SLC25A43: variants seen among roughly 807,000 people sequenced by gnomAD.
SLC25A43 encodes solute carrier family 25, member 43.
Under a neutral mutation model 22.8 loss-of-function variants are expected in SLC25A43, and 10 were observed. The observed-to-expected ratio is 0.44, with a 90% confidence interval of 0.27 to 0.74. The LOEUF (loss-of-function observed/expected upper bound fraction) is 0.74. Ranked by LOEUF, SLC25A43 falls within the 30% of genes least tolerant of loss-of-function variation. The pLI is 0.17. For missense variants in SLC25A43, 233 were observed against 279.1 expected, an observed-to-expected ratio of 0.83 and a Z score of 1.18; for synonymous variants, 106 against 121.6, an observed-to-expected ratio of 0.87 and a Z score of 0.84.
chrX:119,451,437 G>A (rs1396722883), intron 3 of SLC25A43, among the ~76,000 whole-genome samples: 1 of 111,802 alleles, frequency 8.9e-6, no homozygotes, highest in Non-Finnish European at 1.9e-5. Flanking sequence ...TGGAAGAGTG[G>A]CCAGATTAGT....
chrX:119,428,737 A>C (rs1448618490), intron 3 of SLC25A43, among the ~76,000 whole-genome samples: 1 of 111,903 alleles, frequency 8.9e-6, no homozygotes, highest in Non-Finnish European at 1.9e-5. Context: ...GCTGGGCCAC[A>C]CAGCGTGAAG....
At chrX:119,450,834 T>C (rs1015853513) in intron 3 of SLC25A43, among the ~76,000 whole-genome samples, 2 of 112,716 alleles carry the variant, frequency 1.8e-5, no homozygotes, top group African/African-American at 3.2e-5. Flanking sequence ...AGATGGTATA[T>C]TGAAAAGTCA....
chrX:119,422,628 T>C (rs1390734584), intron 3 of SLC25A43, among the ~76,000 whole-genome samples: 2 of 111,902 alleles, frequency 1.8e-5, no homozygotes, highest in Non-Finnish European at 3.8e-5. Context: ...CGCTGTCTGC[T>C]AGGTGAGTCC....
At chrX:119,410,444 C>T in intron 3 of SLC25A43, 82 bp downstream of exon 3, 1 of 1,023,662 alleles carries the variant, frequency 9.8e-7, no homozygotes, top group Admixed American at 2.4e-5. Context: ...GAACACTGAC[C>T]CCAAGTGATG....
At chrX:119,452,248 T>G in intron 4 of SLC25A43, 105 bp downstream of exon 4, 3 of 925,634 alleles carry the variant, frequency 3.2e-6, no homozygotes, top group Non-Finnish European at 4.4e-6. Flanking sequence ...AAACCCCCTC[T>G]AGCACTAATG....
chrX:119,424,893 A>T (rs2052489828), intron 3 of SLC25A43, among the ~76,000 whole-genome samples: 1 of 112,011 alleles, frequency 8.9e-6, no homozygotes, highest in Non-Finnish European at 1.9e-5. Flanking sequence ...CCCGAATCCC[A>T]TTCATGAGAG....
chrX:119,445,922 G>C (rs2052662294), intron 3 of SLC25A43, among the ~76,000 whole-genome samples: 1 of 110,242 alleles, frequency 9.1e-6, no homozygotes, highest in Non-Finnish European at 1.9e-5. Flanking sequence ...GGAGGCCGAG[G>C]CAGGAGGATC....
chrX:119,453,055 C>T lies in SLC25A43; in HGVS notation c.1016C>T (p.Pro339Leu). The change falls in exon 5 of 5, where the codon CCA becomes CTA. Residue 339 changes from proline (P) to leucine (L), a missense_variant. Pro to Leu is a moderately conservative substitution (Grantham distance 98). Coordinates refer to ENST00000217909, the MANE Select transcript of SLC25A43 (RefSeq NM_145305.3). ...FKTRKPKPKK[P>L]TL Reference sequence around the variant, plus strand: ...ACGAGAAAACCGAAGCCTAAAAAACCAACTCTATAAAATGGAATGGAACTA... The same window carrying T: ...ACGAGAAAACCGAAGCCTAAAAAACTAACTCTATAAAATGGAATGGAACTA... 1 of 1,201,715 alleles carries T rather than the reference C, an allele frequency of 8.3e-7. No homozygotes were observed. Among genetic ancestry groups the T allele is most frequent in the East Asian group, 3.0e-5 (1 of 33,809 alleles).
At chrX:119,416,643 T>C (rs990527453) in intron 3 of SLC25A43, among the ~76,000 whole-genome samples, 4 of 112,812 alleles carry the variant, frequency 3.5e-5, no homozygotes, top group African/African-American at 6.4e-5. Flanking sequence ...GTGATTATGA[T>C]TGGAATTATG....
intron 3 of SLC25A43, among the ~76,000 whole-genome samples, chrX:119,419,795 A>G (rs2052437252): frequency 9.0e-6 from 1 of 110,966 alleles, no homozygotes; most frequent in South Asian, 3.8e-4. Context: ...GAAATCCACA[A>G]CTTGTGTTTG....
At chrX:119,401,560 G>A (rs184312378) in intron 1 of SLC25A43, among the ~76,000 whole-genome samples, 33 of 110,751 alleles carry the variant, frequency 3.0e-4, no homozygotes, top group African/African-American at 9.8e-4. Flanking sequence ...GGCAGAGATG[G>A]AGAGAAAGAT....
intron 3 of SLC25A43, among the ~76,000 whole-genome samples, chrX:119,430,488 T>C (rs1226406459): frequency 8.9e-6 from 1 of 111,960 alleles, no homozygotes; most frequent in African/African-American, 3.2e-5. Flanking sequence ...CCAAACAGTC[T>C]GGCTTCAGGG....
intron 3 of SLC25A43, among the ~76,000 whole-genome samples, chrX:119,431,642 T>C (rs1362804104): frequency 8.9e-6 from 1 of 112,252 alleles, no homozygotes; most frequent in Non-Finnish European, 1.9e-5. Flanking sequence ...TAAACAGCTA[T>C]ATTTGGGAAA....
In SLC25A43 at chrX:119,453,117, T is replaced by A. The variant is rs1412807697; in HGVS notation, c.*52T>A. On this transcript the variant is annotated 3_prime_UTR_variant, in exon 5 of 5. Coordinates refer to ENST00000217909, the MANE Select transcript of SLC25A43 (RefSeq NM_145305.3). Reference sequence around the variant, plus strand: ...ACTGACAGCATGTTGCAATCACAGATAAATGTAGCCTCATAACTGTGCACC... The same window carrying A: ...ACTGACAGCATGTTGCAATCACAGAAAAATGTAGCCTCATAACTGTGCACC... 1 of 1,043,948 alleles carries A rather than the reference T, an allele frequency of 9.6e-7. No homozygotes were observed. Among genetic ancestry groups the A allele is most frequent in the Non-Finnish European group, 1.3e-6 (1 of 745,688 alleles). 86.0% of individuals were successfully genotyped at this position (1,043,948 alleles called of 1,213,427 possible). A position where few individuals can be genotyped will look rare whatever the true frequency, so the allele number is the denominator to read the frequency against.
rs3078516 is a variant in SLC25A43 at position 119,409,156 on chromosome X, T to TTTTATTTA, written c.518-1002_518-995dup. 3.6e-3 allele frequency among the ~76,000 whole-genome samples: 391 copies of TTTTATTTA among 107,331 alleles called. 3 individuals carry two copies. Among genetic ancestry groups the TTTTATTTA allele is most frequent in the Admixed American group, 0.02 (194 of 9,843 alleles). 93.2% of individuals were successfully genotyped at this position (107,331 alleles called of 115,157 possible). A position where few individuals can be genotyped will look rare whatever the true frequency, so the allele number is the denominator to read the frequency against. ...CCAGCCATTCATCAGTCCATTTTTA[T>TTTTATTTA]TTTATTTATTTATTTATTTATTTAT... On this transcript the variant is annotated intron_variant, in intron 2 of 4. Transcript: ENST00000217909.
intron 1 of SLC25A43, among the ~76,000 whole-genome samples, chrX:119,403,323 T>A (rs1256248107): frequency 1.8e-5 from 2 of 108,608 alleles, no homozygotes; most frequent in Admixed American, 9.8e-5. Context: ...GAAGTATTGC[T>A]CTGTCGCCCA....
chrX:119,429,112 C>T (rs755661591), intron 3 of SLC25A43, among the ~76,000 whole-genome samples: 21 of 103,350 alleles, frequency 2.0e-4, no homozygotes, highest in East Asian at 6.0e-4. Flanking sequence ...AGTGCAGTGG[C>T]GCAATTTCAG....
chrX:119,403,453 CTAA>C (rs762679558), intron 1 of SLC25A43, among the ~76,000 whole-genome samples: 1 of 111,274 alleles, frequency 9.0e-6, no homozygotes, highest in East Asian at 2.8e-4. Flanking sequence ...CCATGCCTGG[CTAA>C]TTTTTGTATT....
At position 119,453,954 on chromosome X, in the gene SLC25A43, C is replaced by A. The variant is rs1276006751; in HGVS notation, c.*889C>A. 1 of 112,365 alleles carries A rather than the reference C, an allele frequency of 8.9e-6. No homozygotes were observed. Among genetic ancestry groups the A allele is most frequent in the Non-Finnish European group, 1.9e-5 (1 of 53,241 alleles). The allele number at this position is 112,365 out of a possible 1,213,427, so 9.3% of individuals were successfully genotyped here. A position where few individuals can be genotyped will look rare whatever the true frequency, so the allele number is the denominator to read the frequency against. On this transcript the variant is annotated 3_prime_UTR_variant, in exon 5 of 5. Coordinates refer to ENST00000217909, the MANE Select transcript of SLC25A43 (RefSeq NM_145305.3). Reference sequence around the variant, plus strand: ...GCTATCACCATTGTAGTAGAATCATCCTTCTTTTTTGAAATTTGAAGCATC... The same window carrying A: ...GCTATCACCATTGTAGTAGAATCATACTTCTTTTTTGAAATTTGAAGCATC...
Sources: allele counts gnomAD v4.1 joint callset (sites outside exome capture counted in the v4.1 genomes callset), GRCh38; gene constraint gnomAD v4.1.1; transcripts MANE v1.5; gene names NCBI Gene and HGNC (gene_info 2026-07-23, HGNC 2026-07-21).